CHGB: variants seen among roughly 807,000 people sequenced by gnomAD.
CHGB encodes chromogranin B.
In CHGB, 46 loss-of-function variants were observed where a neutral mutation model predicts 69.9. That is an observed-to-expected ratio of 0.66 (90% CI 0.52 to 0.84). CHGB has a LOEUF of 0.84. CHGB is among the 40% of genes least tolerant of loss of function. CHGB has a pLI of 0.00. For missense variants in CHGB, 796 were observed against 822.2 expected (o/e 0.97, Z 0.39); for synonymous variants, 312 against 298.2 (o/e 1.05, Z -0.48).
chr20:5,911,747 C>G (rs920742019), intron 1 of CHGB, 65 bp downstream of exon 1: 4 of 1,333,740 alleles, frequency 3.0e-6, no homozygotes, highest in Non-Finnish European at 3.9e-6. Flanking sequence ...CCCCGCCGCT[C>G]CCGCAGCCAG....
At chr20:5,920,750 C>T (rs969303709) in intron 3 of CHGB, among the ~76,000 whole-genome samples, 18 of 152,164 alleles carry the variant, frequency 1.2e-4, no homozygotes, top group Non-Finnish European at 5.9e-5. Flanking sequence ...AGCCATGCCC[C>T]AATGCTATAC....
In CHGB at chr20:5,922,611, A is replaced by G. The variant is rs1409402877; in HGVS notation, c.467A>G (p.His156Arg). The change falls in exon 4 of 5, where the codon CAT becomes CGT. Residue 156 changes from histidine to arginine, a missense_variant. Around this residue, in one of 3 missense-constraint regions of CHGB, gnomAD observed 518 missense variants for 506.3 expected, o/e 1.02. Coordinates refer to ENST00000378961, the MANE Select transcript of CHGB (RefSeq NM_001819.3). ...GTCTCTGAAGAAGTGAAGACACGCC[A>G]TTCTGAGAAGAGCCAGAGAGAGGAT... The part of the protein sequence containing the change: ...SQVSEEVKTR[H>R]SEKSQREDEE... 6.2e-7 allele frequency: 1 copy of G among 1,614,060 alleles called. No homozygotes were observed. Among genetic ancestry groups the G allele is most frequent in the Admixed American group, 1.7e-5 (1 of 60,004 alleles).
In CHGB at chr20:5,923,541, A is replaced by G. The variant is rs747366707; in HGVS notation, c.1397A>G (p.Glu466Gly). Reference sequence around the variant, plus strand: ...AGGCATCCACAAGGTGCGTGGAAAGAGCTGGACAGAAATTATCTCAACTAC... The same window carrying G: ...AGGCATCCACAAGGTGCGTGGAAAGGGCTGGACAGAAATTATCTCAACTAC... ...ARRHPQGAWK[E>G]LDRNYLNYGE... Residue 466 changes from glutamate (E) to glycine (G), a missense_variant, in exon 4 of 5, where the codon GAG becomes GGG. Glu to Gly is a moderately conservative substitution (Grantham distance 98, BLOSUM62 -2). Coordinates refer to ENST00000378961, the MANE Select transcript of CHGB (RefSeq NM_001819.3). 1.3e-5 allele frequency: 21 copies of G among 1,614,058 alleles called. No homozygotes were observed. Among genetic ancestry groups the G allele is most frequent in the African/African-American group, 4.0e-5 (3 of 74,928 alleles).
At position 5,922,336 on chromosome 20, in the gene CHGB, T is replaced by C; in HGVS notation, c.192T>C (p.Ser64=). The C allele has an allele frequency of 1.3e-6, 2 of 1,535,604 alleles. No individual in the cohort carries two copies. Among genetic ancestry groups the C allele is most frequent in the Non-Finnish European group, 8.8e-7 (1 of 1,140,686 alleles). Residue 64 remains serine (S), a splice_region_variant and synonymous_variant, in exon 4 of 5, where the codon AGT becomes AGC. Coordinates refer to ENST00000378961, the MANE Select transcript of CHGB (RefSeq NM_001819.3). ...ACCTACTCTTCATTTTCATTATAGG[T>C]AGAAAAGACGTCAAAGACAAAGAGA... ...TPECRQVLKT[S]RKDVKDKETT...
intron 1 of CHGB, among the ~76,000 whole-genome samples, chr20:5,913,601 ATCTT>A (rs1299937549): frequency 6.8e-6 from 1 of 146,558 alleles, no homozygotes; most frequent in Non-Finnish European, 1.5e-5. Flanking sequence ...TGGTTTCTTT[ATCTT>A]TCTTTTTCTT....
Position 5,921,296 on chromosome 20 carries a change from C to G in CHGB, c.191-1039C>G, listed in dbSNP as rs187780916. Among the ~76,000 whole-genome samples, 628 of 152,204 alleles carry G rather than the reference C, an allele frequency of 4.1e-3. 3 individuals are homozygous for G. The highest frequency in any genetic ancestry group is 0.014 in the African/African-American group (598 of 41,530). On this transcript the variant is annotated intron_variant, in intron 3 of 4. Coordinates refer to ENST00000378961, the MANE Select transcript of CHGB (RefSeq NM_001819.3). ...ATATATAGCATGTCCCAGATCGGAC[C>G]AGCCACATTTCAAGTGCTCAACAGC...
intron 3 of CHGB, among the ~76,000 whole-genome samples, chr20:5,920,648 T>C (rs561706372): frequency 6.6e-6 from 1 of 152,328 alleles, no homozygotes; most frequent in East Asian, 1.9e-4. Flanking sequence ...GCTATCACAT[T>C]GAGGATTAGG....
chr20:5,916,395 G>C, intron 2 of CHGB, 23 bp downstream of exon 2: 2 of 1,597,870 alleles, frequency 1.3e-6, no homozygotes, highest in Non-Finnish European at 1.7e-6. Context: ...GTCAATCTTA[G>C]AATCTAGACT....
chr20:5,922,743 A>G lies in CHGB; in HGVS notation c.599A>G (p.Asn200Ser), dbSNP rs773684842. The change falls in exon 4 of 5, where the codon AAT (asparagine) becomes AGT (serine). Residue 200 changes from asparagine (N) to serine (S), a missense_variant. Physicochemically the swap from Asn to Ser is conservative, Grantham distance 46 (BLOSUM62 1). Coordinates refer to ENST00000378961, the MANE Select transcript of CHGB (RefSeq NM_001819.3). Reference protein sequence around the residue: ...EPGETQNAFLNERKQASAIKK... With the variant: ...EPGETQNAFLSERKQASAIKK... The stretch of plus-strand genomic sequence containing the variant: ...GGAGAGACACAAAACGCTTTTCTCA[A>G]TGAAAGAAAGCAGGCTTCAGCTATA... 4 of 1,614,156 alleles carry G rather than the reference A, an allele frequency of 2.5e-6. No individual in the cohort carries two copies. The highest frequency in any genetic ancestry group is 1.7e-5 in the Admixed American group (1 of 60,022).
rs2088531832 is a variant in CHGB at position 5,923,687 on chromosome 20, A to C, written c.1543A>C (p.Arg515=). 1 of 1,614,044 alleles carries C rather than the reference A, an allele frequency of 6.2e-7. No individual in the cohort carries two copies. Among genetic ancestry groups the C allele is most frequent in the Admixed American group, 1.7e-5 (1 of 60,008 alleles). Reference sequence around the variant, plus strand: ...TAGCTCCCATCACACAGCTGAAAAGAGGAAGAGATTAGGGGAACTGTTCAA... The same window carrying C: ...TAGCTCCCATCACACAGCTGAAAAGCGGAAGAGATTAGGGGAACTGTTCAA... The part of the protein sequence containing the change: ...QYSSHHTAEK[R]KRLGELFNPY... The change falls in exon 4 of 5, where the codon AGG becomes CGG. Residue 515 remains arginine (R), a synonymous_variant. Transcript: ENST00000378961.
intron 2 of CHGB, 106 bp from the exon 3 acceptor site, chr20:5,916,720 C>A: frequency 1.0e-6 from 1 of 980,902 alleles, no homozygotes; most frequent in Non-Finnish European, 1.6e-6. Flanking sequence ...AATACTGCAT[C>A]AGCCCAGGTC....
chr20:5,915,641 G>T (rs1453534295), intron 1 of CHGB: 2 of 152,230 alleles, frequency 1.3e-5, no homozygotes, highest in Admixed American at 1.3e-4. Flanking sequence ...GATACGGAGA[G>T]AGAGCCACAG....
In CHGB at chr20:5,923,858, G is replaced by A. The variant is rs1472670550; in HGVS notation, c.1714G>A (p.Glu572Lys). ...CCCAGAATACAACTATGACTGGTGGGAGAAAAAGCCCTTCTCTGAGGATGT... is the reference window on the plus strand; with the variant it reads ...CCCAGAATACAACTATGACTGGTGGAAGAAAAAGCCCTTCTCTGAGGATGT... ...FFPEYNYDWWEKKPFSEDVNW... is the reference protein window; with the variant it reads ...FFPEYNYDWWKKKPFSEDVNW... The change falls in exon 4 of 5, where the codon GAG (glutamate) becomes AAG (lysine). Residue 572 changes from glutamate to lysine, a missense_variant. Around this residue, in one of 3 missense-constraint regions of CHGB, gnomAD observed 274 missense variants for 298.9 expected, o/e 0.92. Coordinates refer to ENST00000378961, the MANE Select transcript of CHGB (RefSeq NM_001819.3). 1 of 1,614,190 alleles carries A rather than the reference G, an allele frequency of 6.2e-7. No individual in the cohort carries two copies. Among genetic ancestry groups the A allele is most frequent in the Admixed American group, 1.7e-5 (1 of 60,024 alleles).
chr20:5,914,496 C>A (rs6133276), intron 1 of CHGB: 1 of 151,896 alleles, frequency 6.6e-6, no homozygotes, highest in Non-Finnish European at 1.5e-5. Context: ...ATAAAAACAT[C>A]TATTTTACAT....
At chr20:5,915,616 A>G (rs1227743120) in intron 1 of CHGB, 1 of 152,212 alleles carries the variant, frequency 6.6e-6, no homozygotes, top group Non-Finnish European at 1.5e-5. Context: ...GGGAGGATAT[A>G]TTTTTGGAAA....
At chr20:5,922,172 A>T (rs895802171) in intron 3 of CHGB, among the ~76,000 whole-genome samples, 163 bp from the exon 4 acceptor site, 6 of 152,232 alleles carry the variant, frequency 3.9e-5, no homozygotes, top group African/African-American at 1.4e-4. Flanking sequence ...AGGAGCTTTC[A>T]TAGCATTTAC....
At chr20:5,916,240 C>G in intron 1 of CHGB, 86 bp from the exon 2 acceptor site, 6 of 975,780 alleles carry the variant, frequency 6.1e-6, no homozygotes, top group Non-Finnish European at 9.6e-6. Flanking sequence ...AAAACAACAA[C>G]TAATGTGGGG....
At chr20:5,913,087 G>A (rs562693527) in intron 1 of CHGB, among the ~76,000 whole-genome samples, 1 of 152,176 alleles carries the variant, frequency 6.6e-6, no homozygotes, top group African/African-American at 2.4e-5. Flanking sequence ...GACATTTGTG[G>A]GAATGATTTA....
intron 2 of CHGB, 143 bp from the exon 3 acceptor site, chr20:5,916,683 C>A: frequency 1.3e-6 from 1 of 754,314 alleles, no homozygotes; most frequent in South Asian, 1.6e-5. Context: ...TCATTCTGTT[C>A]CTGTAAATCT....
Sources: allele counts gnomAD v4.1 joint callset (sites outside exome capture counted in the v4.1 genomes callset), GRCh38; gene constraint gnomAD v4.1.1; regional missense constraint gnomAD v4.1.1; transcripts MANE v1.5; gene names NCBI Gene and HGNC (gene_info 2026-07-23, HGNC 2026-07-21).